Variants in RBM27 observed in about 807,000 individuals in gnomAD.
RBM27 encodes RNA binding motif protein 27.
Under a neutral mutation model 135.3 loss-of-function variants are expected in RBM27, and 22 were observed. That is an observed-to-expected ratio of 0.16 (90% CI 0.12 to 0.23). The LOEUF (loss-of-function observed/expected upper bound fraction) is 0.23, where lower values mean the gene tolerates loss of function less well. Among genes scored for constraint, RBM27 ranks in the 10% least tolerant of loss-of-function variants. RBM27 has a pLI of 1.00. For synonymous variants in RBM27, 481 were observed against 442.4 expected (o/e 1.09, Z -1.10); for missense variants, 1,009 against 1,281.0 (o/e 0.79, Z 3.24).
At chr5:146,242,191 C>G (rs1454434711) in intron 8 of RBM27, among the ~76,000 whole-genome samples, 1 of 152,148 alleles carries the variant, frequency 6.6e-6, no homozygotes, top group African/African-American at 2.4e-5. Flanking sequence ...GCCTTGGCCT[C>G]CCAAAGTGGG....
chr5:146,204,679 G>A (rs1755551007), intron 1 of RBM27, among the ~76,000 whole-genome samples: 1 of 152,090 alleles, frequency 6.6e-6, no homozygotes, highest in South Asian at 2.1e-4. Flanking sequence ...TAAAAGGAGC[G>A]GTAGAAAGAA....
chr5:146,249,551 G>T (rs1174782271), intron 8 of RBM27, among the ~76,000 whole-genome samples: 2 of 151,720 alleles, frequency 1.3e-5, no homozygotes, highest in Non-Finnish European at 2.9e-5. Flanking sequence ...GCTGGGCGTG[G>T]TGGTGGGCAC....
At chr5:146,272,948 G>T (rs942810416) in intron 19 of RBM27, among the ~76,000 whole-genome samples, 1 of 152,132 alleles carries the variant, frequency 6.6e-6, no homozygotes, top group Non-Finnish European at 1.5e-5. Flanking sequence ...TTTTTGTAAA[G>T]TGGGAGAATA....
chr5:146,225,183 A>G (rs1013878426), intron 3 of RBM27, among the ~76,000 whole-genome samples: 4 of 152,058 alleles, frequency 2.6e-5, no homozygotes, highest in Admixed American at 2.6e-4. Context: ...GCTGGTCTTG[A>G]ACTCCTGAGC....
Position 146,232,360 on chromosome 5 carries a change from A to G in RBM27, c.851-1090A>G, listed in dbSNP as rs116202523. Among the ~76,000 whole-genome samples, 633 of 152,332 alleles carry G rather than the reference A, an allele frequency of 4.2e-3. 6 individuals are homozygous for G. Among genetic ancestry groups the G allele is most frequent in the African/African-American group, 0.014 (562 of 41,586 alleles). ...TCCTTGCCAAGGCCAACGTAATGTT[A>G]TCAATTTGTTGTTTATCTTTCCAAA... is the stretch of plus-strand genomic sequence containing the variant. On this transcript the variant is annotated intron_variant, in intron 6 of 20. Coordinates refer to ENST00000265271, the MANE Select transcript of RBM27 (RefSeq NM_018989.2).
In RBM27 at chr5:146,203,644, C is replaced by A; in HGVS notation, c.-122C>A. 1.1e-6 allele frequency: 1 copy of A among 905,148 alleles called. No individual in the cohort carries two copies. 56.1% of individuals were successfully genotyped at this position (905,148 alleles called of 1,614,324 possible). ...CCCGGCCGGGGGAGTAGGTTGAAGT[C>A]TCCTAAGATGCCCGGTGGGCTGGGG... is the stretch of plus-strand genomic sequence containing the variant. On this transcript the variant is annotated 5_prime_UTR_variant, in exon 1 of 21. Coordinates refer to ENST00000265271, the MANE Select transcript of RBM27 (RefSeq NM_018989.2).
At chr5:146,272,710 G>A (rs1431762646) in intron 19 of RBM27, among the ~76,000 whole-genome samples, 2 of 147,646 alleles carry the variant, frequency 1.4e-5, no homozygotes, top group Non-Finnish European at 3.0e-5. Flanking sequence ...CCACAAGAGC[G>A]AAACTCCATC....
At chr5:146,213,390 C>T (rs1756053834) in intron 1 of RBM27, among the ~76,000 whole-genome samples, 1 of 152,076 alleles carries the variant, frequency 6.6e-6, no homozygotes, top group Non-Finnish European at 1.5e-5. Flanking sequence ...TGAGCCACCA[C>T]GCCCAGCCAA....
intron 1 of RBM27, among the ~76,000 whole-genome samples, chr5:146,212,353 C>T (rs988259130): frequency 6.8e-6 from 1 of 147,158 alleles, no homozygotes; most frequent in Non-Finnish European, 1.5e-5. Context: ...CCCGCCCGGC[C>T]CTTGTTTTTT....
chr5:146,207,311 T>G (rs1755726691), intron 1 of RBM27, among the ~76,000 whole-genome samples: 1 of 151,636 alleles, frequency 6.6e-6, no homozygotes, highest in Non-Finnish European at 1.5e-5. Context: ...CCTCCTGGGT[T>G]CAAGCGATTC....
At chr5:146,222,059 C>T (rs1756481991) in intron 2 of RBM27, among the ~76,000 whole-genome samples, 1 of 151,954 alleles carries the variant, frequency 6.6e-6, no homozygotes, top group Non-Finnish European at 1.5e-5. Flanking sequence ...AAGAAAATAA[C>T]ATGTTATAAA....
intron 19 of RBM27, among the ~76,000 whole-genome samples, chr5:146,273,180 GAA>G (rs1218213886): frequency 2.0e-5 from 3 of 152,172 alleles, no homozygotes; most frequent in Non-Finnish European, 2.9e-5. Context: ...ACTCATTGCA[GAA>G]AGTTTCAGTT....
chr5:146,265,973 A>G (rs1041762483), intron 14 of RBM27, among the ~76,000 whole-genome samples: 10 of 152,324 alleles, frequency 6.6e-5, no homozygotes, highest in Non-Finnish European at 1.5e-4. Flanking sequence ...ACATTTCCCA[A>G]TTCTATTCAC....
intron 3 of RBM27, among the ~76,000 whole-genome samples, chr5:146,226,488 C>G (rs1581159225): frequency 6.6e-6 from 1 of 152,066 alleles, no homozygotes; most frequent in Non-Finnish European, 1.5e-5. Context: ...AAGCGATTCT[C>G]CTGCCTCAGT....
chr5:146,220,596 TA>T (rs1363280794), intron 2 of RBM27, among the ~76,000 whole-genome samples: 1 of 151,910 alleles, frequency 6.6e-6, no homozygotes, highest in East Asian at 1.9e-4. Flanking sequence ...AGATATCATT[TA>T]AAATAAGTAT....
intron 12 of RBM27, 95 bp from the exon 13 acceptor site, chr5:146,261,415 T>C: frequency 9.9e-7 from 1 of 1,014,686 alleles, no homozygotes; most frequent in Non-Finnish European, 1.5e-6. Context: ...TTAACATGTG[T>C]ATTTTGGGGA....
intron 2 of RBM27, among the ~76,000 whole-genome samples, chr5:146,222,737 C>T (rs1756510548): frequency 6.6e-6 from 1 of 152,120 alleles, no homozygotes; most frequent in African/African-American, 2.4e-5. Context: ...AATACTTTTA[C>T]TAAATTCATC....
intron 3 of RBM27, among the ~76,000 whole-genome samples, chr5:146,226,591 G>T (rs1406612785): frequency 1.3e-5 from 2 of 151,930 alleles, no homozygotes; most frequent in East Asian, 3.9e-4. Flanking sequence ...ATGTTGGCCA[G>T]GCTGGTCTTG....
intron 8 of RBM27, among the ~76,000 whole-genome samples, chr5:146,247,384 A>C (rs947711001): frequency 1.3e-5 from 2 of 152,180 alleles, no homozygotes; most frequent in Non-Finnish European, 2.9e-5. Flanking sequence ...ATTCCTTGTG[A>C]AATATCCAGT....
Sources: gnomAD v4.1 joint callset for allele counts (sites outside exome capture counted in the v4.1 genomes callset) on GRCh38, gnomAD v4.1.1 for gene constraint, MANE v1.5 for transcripts, NCBI Gene and HGNC (gene_info 2026-07-23, HGNC 2026-07-21) for gene names.